XKR4: variants seen among roughly 807,000 people sequenced by gnomAD.
XKR4 encodes the protein XK related 4.
Under a neutral mutation model 53.9 loss-of-function variants are expected in XKR4, and 12 were observed. That is an observed-to-expected ratio of 0.22 (90% CI 0.14 to 0.36). The LOEUF is 0.36. Ranked by LOEUF, XKR4 falls within the 10% of genes least tolerant of loss-of-function variation. The pLI is 1.00. For synonymous variants in XKR4, 354 were observed against 362.4 expected, an observed-to-expected ratio of 0.98 and a Z score of 0.26; for missense variants, 799 against 859.5, an observed-to-expected ratio of 0.93 and a Z score of 0.88.
intron 1 of XKR4, among the ~76,000 whole-genome samples, chr8:55,345,989 A>C (rs2129382838): frequency 6.6e-6 from 1 of 152,286 alleles, no homozygotes; most frequent in South Asian, 2.1e-4. Context: ...AATCCCGAGA[A>C]GACAAAGTAG....
Position 55,530,306 on chromosome 8 carries a change from T to C in XKR4, c.*6079T>C, listed in dbSNP as rs1157009908. The C allele has an allele frequency of 1.3e-5, 2 of 152,234 alleles. No individual in the cohort carries two copies. Among genetic ancestry groups the C allele is most frequent in the African/African-American group, 2.4e-5 (1 of 41,458 alleles). 9.4% of individuals were successfully genotyped at this position (152,234 alleles called of 1,614,324 possible). A position where few individuals can be genotyped will look rare whatever the true frequency, so the allele number is the denominator to read the frequency against. ...TAAATTTTATTTAATATCTTGCAGG[T>C]CACAAACTTTAATATTTAAGAGGAT... On this transcript the variant is annotated 3_prime_UTR_variant, in exon 3 of 3. Transcript: ENST00000327381.
chr8:55,451,774 C>A, intron 2 of XKR4: 3 of 1,070,182 alleles, frequency 2.8e-6, no homozygotes, highest in East Asian at 2.4e-5. Context: ...GCTCAGGGGG[C>A]CCAGGCCAAG....
intron 2 of XKR4, among the ~76,000 whole-genome samples, chr8:55,482,422 G>C (rs983792285): frequency 2.0e-5 from 3 of 152,098 alleles, no homozygotes; most frequent in African/African-American, 7.2e-5. Context: ...GGGAGGGATA[G>C]CATTAGGAGA....
At chr8:55,291,335 G>A (rs113949704) in intron 1 of XKR4, among the ~76,000 whole-genome samples, 60 of 151,988 alleles carry the variant, frequency 3.9e-4, no homozygotes, top group African/African-American at 1.4e-3. Flanking sequence ...AAACTGTTTT[G>A]GCTATTCTAG....
intron 2 of XKR4, among the ~76,000 whole-genome samples, chr8:55,495,344 A>G (rs1385402972): frequency 2.0e-5 from 3 of 152,048 alleles, no homozygotes; most frequent in Non-Finnish European, 4.4e-5. Context: ...CAGAGTGGCT[A>G]CAGCTGCACC....
rs116634397 is a variant in XKR4 at position 55,436,591 on chromosome 8, A to C, written c.1006+78714A>C. Among the ~76,000 whole-genome samples, 645 of 152,272 alleles carry C rather than the reference A, an allele frequency of 4.2e-3. 2 individuals carry two copies. Among genetic ancestry groups the C allele is most frequent in the African/African-American group, 0.015 (629 of 41,554 alleles). ...TGCTTTTTCTTATAACTCAAAGAGG[A>C]CTTTTCTTCCTGTGGTCTTTTGGCC... is the stretch of plus-strand genomic sequence containing the variant. On this transcript the variant is annotated intron_variant, in intron 2 of 2. Transcript: ENST00000327381.
chr8:55,486,357 G>A (rs1806190743), intron 2 of XKR4, among the ~76,000 whole-genome samples: 1 of 152,168 alleles, frequency 6.6e-6, no homozygotes, highest in Non-Finnish European at 1.5e-5. Flanking sequence ...TACAACCACA[G>A]ATGCACAAAA....
At chr8:55,493,710 A>G (rs1051271482) in intron 2 of XKR4, among the ~76,000 whole-genome samples, 5 of 152,238 alleles carry the variant, frequency 3.3e-5, no homozygotes, top group Non-Finnish European at 7.3e-5. Context: ...AGTGGCATGA[A>G]AAGTCAACCT....
chr8:55,368,582 C>G lies in XKR4; in HGVS notation c.1006+10705C>G, dbSNP rs565560079. On this transcript the variant is annotated intron_variant, in intron 2 of 2. Transcript: ENST00000327381. ...CATCACTCCTAAAACACACAGCTCTCCCCCTTCCCACAGACGCCCCCATCT... is the reference window on the plus strand; with the variant it reads ...CATCACTCCTAAAACACACAGCTCTGCCCCTTCCCACAGACGCCCCCATCT... 7.1e-4 allele frequency among the ~76,000 whole-genome samples: 108 copies of G among 152,322 alleles called. No homozygotes were observed. In the Middle Eastern group the frequency reaches 0.017, roughly 24 times the overall value.
intron 1 of XKR4, among the ~76,000 whole-genome samples, chr8:55,337,648 G>A (rs182054313): frequency 3.3e-5 from 5 of 152,196 alleles, no homozygotes; most frequent in African/African-American, 9.7e-5. Flanking sequence ...AGAATTGTAT[G>A]CAGTGGCAGG....
In XKR4 at chr8:55,318,282, G is replaced by A. The variant is rs140793363; in HGVS notation, c.807-39396G>A. ...ACTATAAGAGCAGATAATCCTGAGG[G>A]AAGTCAAAAGTAGCATTATAAATAT... On this transcript the variant is annotated intron_variant, in intron 1 of 2. Coordinates refer to ENST00000327381, the MANE Select transcript of XKR4 (RefSeq NM_052898.2). Among the ~76,000 whole-genome samples the A allele has an allele frequency of 4.1e-3, 626 of 152,310 alleles. 1 individual carries two copies. Among genetic ancestry groups the A allele is most frequent in the Non-Finnish European group, 5.9e-3 (398 of 68,030 alleles).
intron 1 of XKR4, among the ~76,000 whole-genome samples, chr8:55,186,404 G>C (rs564206027): frequency 5.9e-5 from 9 of 152,176 alleles, no homozygotes; most frequent in South Asian, 2.1e-4. Flanking sequence ...GCCTGTAATT[G>C]CAGCACTTTG....
chr8:55,373,205 C>T (rs967834521), intron 2 of XKR4, among the ~76,000 whole-genome samples: 5 of 152,128 alleles, frequency 3.3e-5, no homozygotes, highest in Admixed American at 6.5e-5. Context: ...CTCACCCTGT[C>T]GTCTAGTCGG....
intron 2 of XKR4, among the ~76,000 whole-genome samples, chr8:55,458,646 G>C (rs1001378512): frequency 6.6e-6 from 1 of 152,208 alleles, no homozygotes; most frequent in Non-Finnish European, 1.5e-5. Flanking sequence ...AAAGGGAATG[G>C]AGTGGGAAAG....
At chr8:55,315,461 G>C (rs190462688) in intron 1 of XKR4, among the ~76,000 whole-genome samples, 9 of 152,310 alleles carry the variant, frequency 5.9e-5, no homozygotes, top group Non-Finnish European at 1.2e-4. Flanking sequence ...GAGGGCTGTT[G>C]CTGGCACTCC....
intron 2 of XKR4, among the ~76,000 whole-genome samples, chr8:55,507,957 T>C (rs751632757): frequency 6.6e-6 from 1 of 152,174 alleles, no homozygotes; most frequent in Non-Finnish European, 1.5e-5. Flanking sequence ...TAGTTTACAG[T>C]CCCACCAACA....
chr8:55,415,173 A>C (rs141274413), intron 2 of XKR4, among the ~76,000 whole-genome samples: 3,184 of 152,336 alleles, frequency 0.021, 39 homozygotes, highest in Middle Eastern at 0.034. Context: ...GTCAGACTAT[A>C]GGTACTGCCT....
intron 1 of XKR4, among the ~76,000 whole-genome samples, chr8:55,337,882 C>T (rs1475928944): frequency 6.6e-6 from 1 of 152,160 alleles, no homozygotes; most frequent in Non-Finnish European, 1.5e-5. Flanking sequence ...ATTTTCCTCA[C>T]TATGTTATGA....
At position 55,534,880 on chromosome 8, in the gene XKR4, TAA is replaced by T. The variant is rs1807009917; in HGVS notation, c.*10655_*10656del. The T allele has an allele frequency of 6.6e-6, 1 of 151,982 alleles. No homozygotes were observed. The highest frequency in any genetic ancestry group is 1.5e-5 in the Non-Finnish European group (1 of 67,990). The allele number at this position is 151,982 out of a possible 1,614,324, so 9.4% of individuals were successfully genotyped here. On this transcript the variant is annotated 3_prime_UTR_variant, in exon 3 of 3. Coordinates refer to ENST00000327381, the MANE Select transcript of XKR4 (RefSeq NM_052898.2). ...AGAGTCGGGCCTTCATATGTTCTTG[TAA>T]AGTTTTCTGTCTAATCTTTTGGTAT...
Sources: allele counts gnomAD v4.1 joint callset (sites outside exome capture counted in the v4.1 genomes callset), GRCh38; gene constraint gnomAD v4.1.1; transcripts MANE v1.5; gene names NCBI Gene and HGNC (gene_info 2026-07-23, HGNC 2026-07-21).